Variants in KANK1 observed in about 807,000 individuals in gnomAD.
KANK1 encodes KN motif and ankyrin repeat domain-containing protein 1.
Under a neutral mutation model 106.2 loss-of-function variants are expected in KANK1, and 109 were observed. The ratio of observed to expected loss-of-function variants is 1.03; its 90% CI spans 0.88 to 1.20. The LOEUF is 1.20. Among genes scored for constraint, KANK1 ranks in the 50% most tolerant of loss-of-function variants. KANK1 has a pLI of 0.00. For missense variants in KANK1, 2,399 were observed against 1,710.7 expected (o/e 1.40, Z -7.10); for synonymous variants, 873 against 652.2 (o/e 1.34, Z -5.16).
rs562391364 is a variant in KANK1 at position 484,943 on chromosome 9, A to G, written c.-362+11670A>G. ...ATCTGCCATGGAGAATGCAAAAAAAAAAAGTTAGGCCTCATAAGACATAAA... is the reference window on the plus strand; with the variant it reads ...ATCTGCCATGGAGAATGCAAAAAAAGAAAGTTAGGCCTCATAAGACATAAA... On this transcript the variant is annotated intron_variant, in intron 3 of 15. Coordinates refer to the KANK1 transcript ENST00000382303. 4.6e-5 allele frequency among the ~76,000 whole-genome samples: 7 copies of G among 152,278 alleles called. No individual in the cohort carries two copies. In the East Asian group the frequency reaches 1.3e-3, roughly 29 times the overall value.
At chr9:735,488 G>A (rs1013044682) in intron 7 of KANK1, among the ~76,000 whole-genome samples, 6 of 152,114 alleles carry the variant, frequency 3.9e-5, no homozygotes, top group Non-Finnish European at 7.4e-5. Flanking sequence ...CTCATGTGTC[G>A]AAGTTATGTG....
At chr9:698,916 G>C (rs1293149192) in intron 2 of KANK1, among the ~76,000 whole-genome samples, 2 of 152,142 alleles carry the variant, frequency 1.3e-5, no homozygotes, top group Non-Finnish European at 2.9e-5. Flanking sequence ...CCCTTCAATA[G>C]CTTACCAATG....
At chr9:703,994 G>T (rs987715445) in intron 2 of KANK1, among the ~76,000 whole-genome samples, 2 of 152,194 alleles carry the variant, frequency 1.3e-5, no homozygotes, top group East Asian at 3.8e-4. Context: ...GATTACAGGC[G>T]TGAGCCACTG....
chr9:680,439 T>G (rs1817313746), intron 2 of KANK1, among the ~76,000 whole-genome samples: 1 of 152,190 alleles, frequency 6.6e-6, no homozygotes, highest in Non-Finnish European at 1.5e-5. Flanking sequence ...AGCTATTCAT[T>G]AATGCTGTAA....
intron 1 of KANK1, among the ~76,000 whole-genome samples, chr9:668,182 G>C (rs949279332): frequency 1.3e-5 from 2 of 152,164 alleles, no homozygotes; most frequent in South Asian, 4.1e-4. Context: ...CTGATGAAAC[G>C]TGTATTCTGA....
chr9:558,665 A>G (rs748745795), intron 1 of KANK1, among the ~76,000 whole-genome samples: 3 of 151,062 alleles, frequency 2.0e-5, no homozygotes, highest in Non-Finnish European at 2.9e-5. Flanking sequence ...TTTAAACAGC[A>G]AAATCACCAA....
At position 713,050 on chromosome 9, in the gene KANK1, G is replaced by C; in HGVS notation, c.2284G>C (p.Gly762Arg). The change falls in exon 3 of 12, where the codon GGG becomes CGG. Residue 762 changes from glycine (G) to arginine (R), a missense_variant. Physicochemically the swap from Gly to Arg is moderately radical, Grantham distance 125. Coordinates refer to ENST00000382297, the MANE Select transcript of KANK1 (RefSeq NM_015158.5). ...TGTGAAGACCAAAGAGTCAGGTGTG[G>C]GGCAGATAAATATTAACGACAACTA... ...SAVKTKESGVGQININDNYLV... is the reference protein window; with the variant it reads ...SAVKTKESGVRQININDNYLV... 6.2e-7 allele frequency: 1 copy of C among 1,614,168 alleles called. No homozygotes were observed. The highest frequency in any genetic ancestry group is 8.5e-7 in the Non-Finnish European group (1 of 1,180,022).
In KANK1 at chr9:592,557, C is replaced by T. The variant is rs904325187; in HGVS notation, c.-83-84333C>T. Among the ~76,000 whole-genome samples, 54 of 151,844 alleles carry T rather than the reference C, an allele frequency of 3.6e-4. 3 individuals carry two copies. Among genetic ancestry groups the T allele is most frequent in the African/African-American group, 1.2e-3 (51 of 41,148 alleles). ...CATCCATCGCTCAGCCAGAATCTGC[C>T]GGTCAGACCTGGCAAGTATTTATAG... On this transcript the variant is annotated intron_variant, in intron 1 of 11. Transcript: ENST00000382297.
Position 646,856 on chromosome 9 carries a change from G to A in KANK1, c.-83-30034G>A, listed in dbSNP as rs972613987. Among the ~76,000 whole-genome samples, 8 of 138,024 alleles carry A rather than the reference G, an allele frequency of 5.8e-5. 1 individual carries two copies. Among genetic ancestry groups the A allele is most frequent in the African/African-American group, 1.6e-4 (5 of 31,090 alleles). The allele number at this position is 138,024 out of a possible 152,430, so 90.5% of individuals were successfully genotyped here. A position where few individuals can be genotyped will look rare whatever the true frequency, so the allele number is the denominator to read the frequency against. ...CTACAGGTGCATGCCACCACGCCTG[G>A]CTAATTTTTTTTTGTATTTTTAGTA... is the stretch of plus-strand genomic sequence containing the variant. On this transcript the variant is annotated intron_variant, in intron 1 of 11. Coordinates refer to ENST00000382297, the MANE Select transcript of KANK1 (RefSeq NM_015158.5).
At chr9:566,199 T>C (rs1817765679) in intron 1 of KANK1, among the ~76,000 whole-genome samples, 1 of 152,252 alleles carries the variant, frequency 6.6e-6, no homozygotes, top group African/African-American at 2.4e-5. Flanking sequence ...TATTCTTTTT[T>C]ATGGCTGCAT....
intron 3 of KANK1, among the ~76,000 whole-genome samples, chr9:727,908 C>T (rs145697513): frequency 9.7e-4 from 148 of 152,176 alleles, no homozygotes; most frequent in Non-Finnish European, 1.4e-3. Context: ...CTCCTGTCAG[C>T]CAGGGGATTC....
At chr9:720,114 C>T (rs1366936711) in intron 3 of KANK1, among the ~76,000 whole-genome samples, 8 of 152,166 alleles carry the variant, frequency 5.3e-5, no homozygotes, top group Admixed American at 2.0e-4. Flanking sequence ...CACTTGTTGT[C>T]CTTTAGTGAT....
chr9:500,222 T>G (rs2058527022), upstream of KANK1, among the ~76,000 whole-genome samples: 1 of 152,190 alleles, frequency 6.6e-6, no homozygotes, highest in African/African-American at 2.4e-5. Flanking sequence ...GTTACAACTG[T>G]GGCAGTAACC....
chr9:723,108 C>G (rs1446806134), intron 3 of KANK1, among the ~76,000 whole-genome samples: 1 of 151,986 alleles, frequency 6.6e-6, no homozygotes, highest in East Asian at 1.9e-4. Context: ...TAATTACTCC[C>G]TACTCACAGA....
intron 1 of KANK1, among the ~76,000 whole-genome samples, chr9:588,294 A>G (rs1020596758): frequency 4.6e-5 from 7 of 152,126 alleles, no homozygotes; most frequent in African/African-American, 1.2e-4. Context: ...TCTCTATCCC[A>G]TCTCCTTTTA....
intron 1 of KANK1, among the ~76,000 whole-genome samples, chr9:595,336 C>T (rs1417155778): frequency 6.6e-6 from 1 of 151,718 alleles, no homozygotes; most frequent in Non-Finnish European, 1.5e-5. Flanking sequence ...GAAAAGTGCT[C>T]TTTCTGGTGT....
intron 1 of KANK1, among the ~76,000 whole-genome samples, chr9:671,760 C>A (rs1295120601): frequency 6.6e-6 from 1 of 151,746 alleles, no homozygotes; most frequent in South Asian, 2.1e-4. Context: ...CCAGCCTGGC[C>A]AACATGGTGA....
At chr9:642,683 C>G (rs1391754470) in intron 1 of KANK1, among the ~76,000 whole-genome samples, 1 of 150,444 alleles carries the variant, frequency 6.6e-6, no homozygotes, top group Non-Finnish European at 1.5e-5. Flanking sequence ...TGGCAGGTAA[C>G]TCTTACTTGA....
intron 1 of KANK1, among the ~76,000 whole-genome samples, chr9:668,837 A>T (rs1845259044): frequency 1.3e-5 from 2 of 152,108 alleles, no homozygotes; most frequent in African/African-American, 4.8e-5. Flanking sequence ...TCTACCTCAG[A>T]TCATCAGGCA....
Sources: allele counts gnomAD v4.1 joint callset (sites outside exome capture counted in the v4.1 genomes callset), GRCh38; gene constraint gnomAD v4.1.1; transcripts MANE v1.5; gene names NCBI Gene and HGNC (gene_info 2026-07-23, HGNC 2026-07-21).